Variants in ELMO1 observed in about 807,000 individuals in gnomAD.
The protein encoded by ELMO1 is engulfment and cell motility 1.
ELMO1 carries 26 observed loss-of-function variants against 98.9 expected under a neutral mutation model. The observed-to-expected ratio is 0.26, with a 90% CI of 0.19 to 0.36. The LOEUF is 0.36. Among genes scored for constraint, ELMO1 ranks in the 10% least tolerant of loss-of-function variants. ELMO1 has a pLI of 1.00. For synonymous variants in ELMO1, 346 were observed against 346.0 expected, an observed-to-expected ratio of 1.00 and a Z score of 0.00; for missense variants, 627 against 935.2, an observed-to-expected ratio of 0.67 and a Z score of 4.30.
chr7:37,390,315 A>G (rs1803013461), intron 1 of ELMO1, among the ~76,000 whole-genome samples: 1 of 152,204 alleles, frequency 6.6e-6, no homozygotes, highest in African/African-American at 2.4e-5. Flanking sequence ...ACGGTTTCAC[A>G]TGAAGCCCGC....
In ELMO1 at chr7:37,222,661, G is replaced by A. The variant is rs1236356525; in HGVS notation, c.734C>T (p.Ala245Val). 1 of 1,613,996 alleles carries A rather than the reference G, an allele frequency of 6.2e-7. No individual in the cohort carries two copies. Among genetic ancestry groups the A allele is most frequent in the South Asian group, 1.1e-5 (1 of 91,062 alleles). Residue 245 changes from alanine to valine, a missense_variant, in exon 10 of 22, where the codon GCA (alanine) becomes GTA (valine). Transcript: ENST00000310758. ...CTTCAGGAAAAGCGCATTAATCACTGCAATAGTATAGGTTTGGATTTCTTG... is the reference window on the plus strand; with the variant it reads ...CTTCAGGAAAAGCGCATTAATCACTACAATAGTATAGGTTTGGATTTCTTG... ...SDQEIQTYTIAVINALFLKAP... is the reference protein window; with the variant it reads ...SDQEIQTYTIVVINALFLKAP...
chr7:37,405,165 A>G (rs1160145841), intron 1 of ELMO1, among the ~76,000 whole-genome samples: 1 of 151,868 alleles, frequency 6.6e-6, no homozygotes, highest in Non-Finnish European at 1.5e-5. Context: ...ATCTTTCCCA[A>G]GAATAAGGCA....
rs552347597 is a variant in ELMO1 at position 37,365,319 on chromosome 7, G to T, written c.-73-22556C>A. 1.1e-4 allele frequency among the ~76,000 whole-genome samples: 17 copies of T among 152,304 alleles called. No homozygotes were observed. In the South Asian group the frequency reaches 3.3e-3, roughly 30 times the overall value. ...CAGGCTGGCTGCAGGGGATCCTACT[G>T]AAGTATGGGCAAGATAAGAGTGGAC... On this transcript the variant is annotated intron_variant, in intron 1 of 21. Coordinates refer to ENST00000310758, the MANE Select transcript of ELMO1 (RefSeq NM_014800.11).
chr7:36,908,574 AAAG>A (rs1464890220), intron 16 of ELMO1, among the ~76,000 whole-genome samples: 8 of 152,044 alleles, frequency 5.3e-5, no homozygotes, highest in Admixed American at 5.2e-4. Flanking sequence ...AGATAGTGTG[AAAG>A]AAGGGAAAAA....
chr7:36,951,143 T>C (rs1372756634), intron 16 of ELMO1, among the ~76,000 whole-genome samples: 1 of 152,208 alleles, frequency 6.6e-6, no homozygotes, highest in Non-Finnish European at 1.5e-5. Flanking sequence ...TGTATCAGCC[T>C]CCTTCCTGGT....
At chr7:37,203,694 G>A (rs931371187) in intron 13 of ELMO1, among the ~76,000 whole-genome samples, 5 of 151,008 alleles carry the variant, frequency 3.3e-5, no homozygotes, top group Admixed American at 1.3e-4. Context: ...GAAGAGAGGC[G>A]AGAGGAAGTT....
intron 15 of ELMO1, among the ~76,000 whole-genome samples, chr7:37,076,946 T>C (rs1301798122): frequency 2.0e-5 from 3 of 152,254 alleles, no homozygotes; most frequent in Admixed American, 6.5e-5. Context: ...TGTAACTGCC[T>C]GTGCTGACTG....
intron 15 of ELMO1, among the ~76,000 whole-genome samples, chr7:37,049,762 AGTTTT>A (rs1157759530): frequency 2.7e-5 from 4 of 147,416 alleles, no homozygotes; most frequent in South Asian, 4.3e-4. Context: ...TTTACTCCCC[AGTTTT>A]GTTTTGTTTC....
chr7:36,965,655 T>G (rs10226593), intron 16 of ELMO1, among the ~76,000 whole-genome samples: 26,177 of 152,082 alleles, frequency 0.17, 3,814 homozygotes, highest in African/African-American at 0.38. Context: ...CTGTCTCTAA[T>G]CAGTACTGAA....
intron 5 of ELMO1, among the ~76,000 whole-genome samples, chr7:37,268,975 G>C (rs1302969660): frequency 6.6e-6 from 1 of 152,258 alleles, no homozygotes; most frequent in Non-Finnish European, 1.5e-5. Flanking sequence ...TGTGGATGTT[G>C]AGATGTCCTT....
chr7:37,364,826 G>C (rs1353668420), intron 1 of ELMO1, among the ~76,000 whole-genome samples: 1 of 152,138 alleles, frequency 6.6e-6, no homozygotes, highest in Admixed American at 6.5e-5. Flanking sequence ...TCCTATTGAA[G>C]GTGGGTCAGA....
intron 7 of ELMO1, among the ~76,000 whole-genome samples, chr7:37,234,960 A>C (rs1794382424): frequency 6.6e-6 from 1 of 152,246 alleles, no homozygotes; most frequent in Admixed American, 6.5e-5. Context: ...AACCATTCAG[A>C]CCAGATAGAA....
intron 13 of ELMO1, among the ~76,000 whole-genome samples, chr7:37,207,333 C>T (rs1792691210): frequency 6.6e-6 from 1 of 152,090 alleles, no homozygotes; most frequent in Admixed American, 6.5e-5. Context: ...GGTGGTTCAC[C>T]TGAGATCAGA....
intron 4 of ELMO1, among the ~76,000 whole-genome samples, chr7:37,295,735 G>A (rs1797995017): frequency 6.6e-6 from 1 of 152,156 alleles, no homozygotes; most frequent in African/African-American, 2.4e-5. Flanking sequence ...TAATGCCTCA[G>A]AGCCCAAATA....
At chr7:37,358,579 G>A (rs1342061691) in intron 1 of ELMO1, among the ~76,000 whole-genome samples, 1 of 152,174 alleles carries the variant, frequency 6.6e-6, no homozygotes, top group Non-Finnish European at 1.5e-5. Flanking sequence ...TATCTGAGGT[G>A]TGAATTTGAT....
At chr7:36,856,270 C>T (rs554930271) in intron 21 of ELMO1, among the ~76,000 whole-genome samples, 7 of 152,320 alleles carry the variant, frequency 4.6e-5, no homozygotes, top group African/African-American at 1.7e-4. Context: ...CCTGTCCCAC[C>T]CTGGAGCCAA....
chr7:37,155,885 G>A (rs558068759), intron 13 of ELMO1, among the ~76,000 whole-genome samples: 6 of 152,054 alleles, frequency 3.9e-5, no homozygotes, highest in East Asian at 1.9e-4. Context: ...TTCTCAGCAC[G>A]ACATCGCACT....
intron 15 of ELMO1, among the ~76,000 whole-genome samples, chr7:37,055,475 G>A (rs1476432898): frequency 6.6e-6 from 1 of 152,108 alleles, no homozygotes; most frequent in Non-Finnish European, 1.5e-5. Flanking sequence ...AATCAAAGTT[G>A]TAGCAGTCAA....
chr7:36,938,948 A>G (rs1271129221), intron 16 of ELMO1, among the ~76,000 whole-genome samples: 1 of 152,116 alleles, frequency 6.6e-6, no homozygotes, highest in Non-Finnish European at 1.5e-5. Flanking sequence ...GGATTGTTTG[A>G]GCCAGGGAGT....
Sources: gnomAD v4.1 joint callset for allele counts (sites outside exome capture counted in the v4.1 genomes callset) on GRCh38, gnomAD v4.1.1 for gene constraint, MANE v1.5 for transcripts, NCBI Gene and HGNC (gene_info 2026-07-23, HGNC 2026-07-21) for gene names.